SYAP1: variants seen among roughly 807,000 people sequenced by gnomAD.
SYAP1 encodes the protein synapse associated protein 1, also known as synapse-associated protein 1.
Under a neutral mutation model 29.6 loss-of-function variants are expected in SYAP1, and 3 were observed. The ratio of observed to expected loss-of-function variants is 0.10; its 90% confidence interval spans 0.05 to 0.26. The LOEUF is 0.26. Among genes scored for constraint, SYAP1 ranks in the 10% least tolerant of loss-of-function variants. The pLI is 1.00. For missense variants in SYAP1, 217 were observed against 264.1 expected (o/e 0.82, Z 1.24); for synonymous variants, 102 against 102.7 (o/e 0.99, Z 0.04).
intron 1 of SYAP1, among the ~76,000 whole-genome samples, chrX:16,726,321 T>C (rs1926081970): frequency 9.0e-6 from 1 of 111,456 alleles, no homozygotes; most frequent in Admixed American, 9.6e-5. Flanking sequence ...GTCCAGGTGC[T>C]GAGGTGATTA....
At chrX:16,725,185 C>T (rs767402928) in intron 1 of SYAP1, among the ~76,000 whole-genome samples, 2 of 112,530 alleles carry the variant, frequency 1.8e-5, no homozygotes, top group Admixed American at 1.9e-4. Flanking sequence ...CGGCCCCCAC[C>T]TTCCAGCAGG....
At chrX:16,734,996 CAA>C (rs1213395857) in intron 1 of SYAP1, among the ~76,000 whole-genome samples, 2 of 9,919 alleles carry the variant, frequency 2.0e-4, no homozygotes, top group African/African-American at 3.5e-4. Context: ...GAGACTGTCT[CAA>C]AAAAAAAAAA....
At chrX:16,753,657 G>A (rs913272512) in intron 5 of SYAP1, among the ~76,000 whole-genome samples, 5 of 110,720 alleles carry the variant, frequency 4.5e-5, no homozygotes, top group African/African-American at 1.6e-4. Flanking sequence ...CATTGCCATT[G>A]GGGTGCCACT....
intron 2 of SYAP1, among the ~76,000 whole-genome samples, chrX:16,735,615 G>GTTGT (rs780379282): frequency 9.5e-4 from 106 of 111,160 alleles, no homozygotes; most frequent in Non-Finnish European, 1.7e-3. Context: ...TTTCATGTTG[G>GTTGT]TTGTTTGTTT....
chrX:16,723,095 CCTT>C (rs1926001225), intron 1 of SYAP1, among the ~76,000 whole-genome samples: 1 of 111,956 alleles, frequency 8.9e-6, no homozygotes, highest in Non-Finnish European at 1.9e-5. Context: ...ACCTCCTCCT[CCTT>C]TGAAAAGTGC....
chrX:16,728,416 C>A (rs1206708919), intron 1 of SYAP1, among the ~76,000 whole-genome samples: 1 of 111,441 alleles, frequency 9.0e-6, no homozygotes, highest in Non-Finnish European at 1.9e-5. Context: ...CCTGTAATCC[C>A]AGCACTTTGG....
intron 5 of SYAP1, among the ~76,000 whole-genome samples, chrX:16,747,580 A>G (rs1047447225): frequency 8.9e-6 from 1 of 112,191 alleles, no homozygotes; most frequent in African/African-American, 3.2e-5. Flanking sequence ...GGTTCTTTAC[A>G]ATTGTGGACC....
In SYAP1 at chrX:16,741,115, C is replaced by T. The variant is rs187692916; in HGVS notation, c.362-601C>T. On this transcript the variant is annotated intron_variant, in intron 3 of 8. Coordinates refer to ENST00000380155, the MANE Select transcript of SYAP1 (RefSeq NM_032796.4). ...ACCACATCTGGAAGGCCATGATGTT[C>T]ATCTCTCCCTCATTGTTGATTTTGA... 1.9e-3 allele frequency among the ~76,000 whole-genome samples: 208 copies of T among 110,961 alleles called. 1 individual carries two copies. The highest frequency in any genetic ancestry group is 6.4e-3 in the African/African-American group (197 of 30,574).
rs1276890155 is a variant in SYAP1, at chrX:16,754,942, A to C, written c.576-3A>C. 8.3e-7 allele frequency: 1 copy of C among 1,209,795 alleles called. No individual in the cohort carries two copies. The highest frequency in any genetic ancestry group is 1.8e-5 in the South Asian group (1 of 56,885). ...ACTGTTCTAATTTGCCTTTCTTTAA[A>C]AGTGTGAAGGAAGAAGTGTTCTGGA... On this transcript the variant is annotated splice_polypyrimidine_tract_variant and splice_region_variant and intron_variant, in intron 5 of 8. Transcript: ENST00000380155.
intron 1 of SYAP1, among the ~76,000 whole-genome samples, chrX:16,725,054 C>T (rs114448497): frequency 0.031 from 3,505 of 112,289 alleles, 158 homozygotes; most frequent in African/African-American, 0.11. Context: ...CTCTGTGAGC[C>T]TCAGCTTCCC....
intron 5 of SYAP1, 87 bp from the exon 6 acceptor site, chrX:16,754,858 G>A (rs1229620556): frequency 4.2e-5 from 40 of 954,175 alleles, no homozygotes; most frequent in East Asian, 2.5e-4. Context: ...GTCTGTGTGC[G>A]TTCTCAAATG....
chrX:16,741,488 G>A (rs1602328060), intron 3 of SYAP1, among the ~76,000 whole-genome samples: 2 of 93,105 alleles, frequency 2.1e-5, no homozygotes, highest in Middle Eastern at 5.6e-3. Context: ...GAGCCACCAT[G>A]CCTGGCCTCA....
Position 16,719,777 on chromosome X carries a change from G to C in SYAP1, c.53G>C (p.Gly18Ala). Residue 18 changes from glycine to alanine, a missense_variant, in exon 1 of 9, where the codon GGT (glycine) becomes GCT (alanine). Physicochemically the swap from Gly to Ala is moderately conservative, Grantham distance 60. Transcript: ENST00000380155. ...GGCTTGCAGCAGCCGGTGGCAGGCG[G>C]TGGGCAGCCCAATGGAGATGCTCCA... ...WLGLQQPVAG[G>A]GQPNGDAPPE... is the part of the protein sequence containing the mutation. 1 of 1,204,709 alleles carries C rather than the reference G, an allele frequency of 8.3e-7. No individual in the cohort carries two copies. The highest frequency in any genetic ancestry group is 1.1e-6 in the Non-Finnish European group (1 of 892,572).
intron 3 of SYAP1, among the ~76,000 whole-genome samples, chrX:16,736,849 T>C (rs909866496): frequency 1.8e-5 from 2 of 111,996 alleles, no homozygotes; most frequent in Admixed American, 9.5e-5. Context: ...CAGAGCACAG[T>C]ATGCACATGA....
intron 1 of SYAP1, among the ~76,000 whole-genome samples, chrX:16,721,232 G>A (rs1309147517): frequency 3.6e-5 from 4 of 110,134 alleles, no homozygotes; most frequent in Admixed American, 9.7e-5. Flanking sequence ...AGTAAGAAAG[G>A]GCCGAACAGT....
chrX:16,737,225 A>G (rs1445426227), intron 3 of SYAP1, among the ~76,000 whole-genome samples: 2 of 111,443 alleles, frequency 1.8e-5, no homozygotes, highest in Non-Finnish European at 3.8e-5. Flanking sequence ...AAAAAAATAA[A>G]AAGAAATTAG....
chrX:16,741,086 A>G (rs1926448725), intron 3 of SYAP1, among the ~76,000 whole-genome samples: 1 of 110,918 alleles, frequency 9.0e-6, no homozygotes, highest in East Asian at 2.8e-4. Flanking sequence ...GTCCTTCTCA[A>G]GATACCACAT....
At chrX:16,746,230 C>T (rs1602331448) in intron 5 of SYAP1, among the ~76,000 whole-genome samples, 1 of 92,889 alleles carries the variant, frequency 1.1e-5, no homozygotes, top group Admixed American at 1.2e-4. Flanking sequence ...TAGACTTTGT[C>T]TTTTTTCTTT....
At chrX:16,739,274 A>T (rs1317605256) in intron 3 of SYAP1, among the ~76,000 whole-genome samples, 3 of 110,928 alleles carry the variant, frequency 2.7e-5, no homozygotes, top group East Asian at 5.6e-4. Flanking sequence ...GCGTGTGCTC[A>T]TCTGCCTATC....
Sources: gnomAD v4.1 joint callset for allele counts (sites outside exome capture counted in the v4.1 genomes callset) on GRCh38, gnomAD v4.1.1 for gene constraint, MANE v1.5 for transcripts, NCBI Gene and HGNC (gene_info 2026-07-23, HGNC 2026-07-21) for gene names.